The following PCDHGC3 variants were observed in gnomAD, a reference collection of about 807,000 sequenced individuals.
The protein encoded by PCDHGC3 is protocadherin gamma-C3.
Under a neutral mutation model 59.2 loss-of-function variants are expected in PCDHGC3, and 26 were observed. The ratio of observed to expected loss-of-function variants is 0.44; its 90% CI spans 0.32 to 0.61. The LOEUF (loss-of-function observed/expected upper bound fraction) is 0.61. Ranked by LOEUF, PCDHGC3 falls within the 20% of genes least tolerant of loss-of-function variation. The pLI is 0.05. For synonymous variants in PCDHGC3, 487 were observed against 519.7 expected (o/e 0.94, Z 0.86); for missense variants, 1,080 against 1,221.8 (o/e 0.88, Z 1.73).
chr5:141,509,719 C>G (rs2099877973), intron 3 of PCDHGC3, among the ~76,000 whole-genome samples: 1 of 152,152 alleles, frequency 6.6e-6, no homozygotes, highest in Non-Finnish European at 1.5e-5. Flanking sequence ...TGTCTGATGT[C>G]ACCTAGCTGT....
At position 141,489,335 on chromosome 5, in the gene PCDHGC3, G is replaced by C. The variant is rs138015049; in HGVS notation, c.2431-5472G>C. 1.4e-5 allele frequency: 22 copies of C among 1,607,364 alleles called. No individual in the cohort carries two copies. Among genetic ancestry groups the C allele is most frequent in the Non-Finnish European group, 1.9e-5 (22 of 1,175,842 alleles). The stretch of plus-strand genomic sequence containing the variant: ...TGGGGCTGGGTGTCTGGGCAGCTTC[G>C]TTACTCAGTGGTGGAGGAGTCTGAG... On this transcript the variant is annotated intron_variant, in intron 1 of 3. Transcript: ENST00000308177. This position sits in a 1 kb window ranked among gnomAD's most constrained non-coding sequence, Gnocchi z 4.5.
chr5:141,494,434 T>A (rs976526647), intron 1 of PCDHGC3, among the ~76,000 whole-genome samples: 2 of 152,166 alleles, frequency 1.3e-5, no homozygotes, highest in Middle Eastern at 3.2e-3. Flanking sequence ...AAAAGCCTCC[T>A]TTGCCACTTT....
At chr5:141,483,648 T>TTGTGTG (rs111458813) in intron 1 of PCDHGC3, among the ~76,000 whole-genome samples, 20,229 of 149,628 alleles carry the variant, frequency 0.14, 2,147 homozygotes, top group African/African-American at 0.31. Context: ...GGGTGTGTGT[T>TTGTGTG]TGTGTGTGTG....
In PCDHGC3 at chr5:141,511,360, T is replaced by C; in HGVS notation, c.*187T>C. The C allele has an allele frequency of 7.5e-7, 1 of 1,333,050 alleles. No individual in the cohort carries two copies. Among genetic ancestry groups the C allele is most frequent in the Non-Finnish European group, 1.0e-6 (1 of 994,882 alleles). 82.6% of individuals were successfully genotyped at this position (1,333,050 alleles called of 1,614,324 possible). On this transcript the variant is annotated 3_prime_UTR_variant, in exon 4 of 4. Transcript: ENST00000308177. ...ACCTACCCCTTCCCCCCCAGGGGGT[T>C]GAATATGCAAAAGCAGTTCCGCTGG...
chr5:141,484,219 C>T (rs766309865), intron 1 of PCDHGC3, among the ~76,000 whole-genome samples: 1 of 152,162 alleles, frequency 6.6e-6, no homozygotes, highest in Non-Finnish European at 1.5e-5. Context: ...TAGCATTCTG[C>T]CAGGTAAAGA....
intron 1 of PCDHGC3, among the ~76,000 whole-genome samples, chr5:141,483,393 C>T (rs1475344614): frequency 6.6e-6 from 1 of 152,080 alleles, no homozygotes; most frequent in Admixed American, 6.5e-5. Flanking sequence ...TTGATAAATG[C>T]TTGAACCAGC....
rs2099388776 is a variant in PCDHGC3, at chr5:141,476,308, C to T, written c.192C>T (p.Arg64=). The change falls in exon 1 of 4, where the codon CGC becomes CGT. Residue 64 remains arginine, a synonymous_variant. Coordinates refer to ENST00000308177, the MANE Select transcript of PCDHGC3 (RefSeq NM_002588.4). The surrounding 1 kb of genome is among the most constrained non-coding windows in gnomAD (Gnocchi z 7.6). ...LGLDLGSLSA[R]RFRVVSGASR... ...TGGATCTCGGTAGCCTCTCAGCCCG[C>T]AGGTTCCGGGTGGTGTCTGGAGCTA... The T allele has an allele frequency of 1.2e-6, 2 of 1,613,750 alleles. No individual in the cohort carries two copies. The highest frequency in any genetic ancestry group is 2.7e-5 in the African/African-American group (2 of 74,806).
chr5:141,497,540 CTTT>C (rs754207034), intron 2 of PCDHGC3, among the ~76,000 whole-genome samples: 11 of 134,886 alleles, frequency 8.2e-5, no homozygotes, highest in African/African-American at 1.9e-4. Context: ...TGCAACAAAC[CTTT>C]TTTTTTTTTT....
chr5:141,491,361 C>T lies in PCDHGC3; in HGVS notation c.2431-3446C>T. 1 of 1,614,132 alleles carries T rather than the reference C, an allele frequency of 6.2e-7. No homozygotes were observed. The highest frequency in any genetic ancestry group is 8.5e-7 in the Non-Finnish European group (1 of 1,179,982). ...CGACCGTCAGTCTCTTATCCCTAGT[C>T]ACCTTCACCTTTCTGTCAGCGAAGT... On this transcript the variant is annotated intron_variant, in intron 1 of 3. Transcript: ENST00000308177. The surrounding 1 kb of genome is among the most constrained non-coding windows in gnomAD (Gnocchi z 6.9).
intron 1 of PCDHGC3, among the ~76,000 whole-genome samples, chr5:141,483,725 C>T (rs903001715): frequency 1.3e-5 from 2 of 152,008 alleles, no homozygotes; most frequent in Non-Finnish European, 1.5e-5. Context: ...TGGTTCCCAC[C>T]ATAGTCAAAA....
chr5:141,481,622 G>A (rs957374253), intron 1 of PCDHGC3, among the ~76,000 whole-genome samples: 6 of 151,854 alleles, frequency 4.0e-5, no homozygotes, highest in African/African-American at 1.2e-4. Flanking sequence ...GTTCAAGACC[G>A]GCCTGGCCAA....
chr5:141,491,659 G>A lies in PCDHGC3; in HGVS notation c.2431-3148G>A. On this transcript the variant is annotated intron_variant, in intron 1 of 3. Transcript: ENST00000308177. This position sits in a 1 kb window ranked among gnomAD's most constrained non-coding sequence, Gnocchi z 6.9. ...CACAGCTCTGGCGCTGGAGCCTGACGCCATCCGGTCCCGCTCTAATACGCT... is the reference window on the plus strand; with the variant it reads ...CACAGCTCTGGCGCTGGAGCCTGACACCATCCGGTCCCGCTCTAATACGCT... 6.2e-7 allele frequency: 1 copy of A among 1,613,766 alleles called. No homozygotes were observed. The highest frequency in any genetic ancestry group is 8.5e-7 in the Non-Finnish European group (1 of 1,180,004).
At chr5:141,482,205 C>T (rs1478729653) in intron 1 of PCDHGC3, among the ~76,000 whole-genome samples, 1 of 151,896 alleles carries the variant, frequency 6.6e-6, no homozygotes, top group Non-Finnish European at 1.5e-5. Context: ...TAAAACAGAC[C>T]AGGTACTTGT....
intron 3 of PCDHGC3, 119 bp downstream of exon 3, chr5:141,505,600 G>T: frequency 1.3e-6 from 2 of 1,554,224 alleles, no homozygotes; most frequent in Middle Eastern, 3.4e-4. Context: ...AGATCTTTCG[G>T]CAGGTCTGAA....
Position 141,491,094 on chromosome 5 carries a change from G to C in PCDHGC3, c.2431-3713G>C, listed in dbSNP as rs1240705650. The C allele has an allele frequency of 1.9e-6, 3 of 1,614,202 alleles. No homozygotes were observed. Among genetic ancestry groups the C allele is most frequent in the Non-Finnish European group, 2.5e-6 (3 of 1,180,030 alleles). On this transcript the variant is annotated intron_variant, in intron 1 of 3. Coordinates refer to ENST00000308177, the MANE Select transcript of PCDHGC3 (RefSeq NM_002588.4). The surrounding 1 kb of genome is among the most constrained non-coding windows in gnomAD (Gnocchi z 6.9). The stretch of plus-strand genomic sequence containing the variant: ...TGCCACAGTCCACAGCCCCAGGACT[G>C]TTCCTCGTGTCTACACACACTGGTG...
In PCDHGC3 at chr5:141,504,261, A is replaced by AT. The variant is rs144925096; in HGVS notation, c.2490-1125dup. Among the ~76,000 whole-genome samples the AT allele has an allele frequency of 3.8e-3, 573 of 152,258 alleles. 3 individuals are homozygous for AT. The highest frequency in any genetic ancestry group is 0.012 in the African/African-American group (514 of 41,556). ...CAGAGAGTTCTTCTTATGGTTTAGT[A>AT]TTTTTTTAAATTATGAATCATTTCA... On this transcript the variant is annotated intron_variant, in intron 2 of 3. Transcript: ENST00000308177.
chr5:141,488,705 G>T (rs1024064135), intron 1 of PCDHGC3, among the ~76,000 whole-genome samples: 1 of 152,200 alleles, frequency 6.6e-6, no homozygotes, highest in Non-Finnish European at 1.5e-5. Context: ...AGATTTTGCT[G>T]GTTCAAGCAA....
chr5:141,478,617 G>A (rs1010415342), intron 1 of PCDHGC3, 71 bp downstream of exon 1: 1 of 1,556,398 alleles, frequency 6.4e-7, no homozygotes, highest in Non-Finnish European at 8.7e-7. Context: ...AGGAAGGAAT[G>A]GAGCTGTTTT....
At position 141,511,575 on chromosome 5, in the gene PCDHGC3, T is replaced by C. The variant is rs930675653; in HGVS notation, c.*402T>C. On this transcript the variant is annotated 3_prime_UTR_variant, in exon 4 of 4. Transcript: ENST00000308177. ...AGTTCCTCTTTCCCGAGTAAGGTGG[T>C]TGGGGTGTTGAAGTACCAAGTAACC... 28 of 287,258 alleles carry C rather than the reference T, an allele frequency of 9.7e-5. No individual in the cohort carries two copies. Among genetic ancestry groups the C allele is most frequent in the Middle Eastern group, 1.3e-3 (1 of 784 alleles). The allele number at this position is 287,258 out of a possible 1,614,324, so 17.8% of individuals were successfully genotyped here.
Sources: allele counts gnomAD v4.1 joint callset (sites outside exome capture counted in the v4.1 genomes callset), GRCh38; gene constraint gnomAD v4.1.1; non-coding constraint Gnocchi (gnomAD v3.1); transcripts MANE v1.5; gene names NCBI Gene and HGNC (gene_info 2026-07-23, HGNC 2026-07-21).